GRIK2: variants seen among roughly 807,000 people sequenced by gnomAD.
GRIK2 encodes the protein glutamate ionotropic receptor kainate type subunit 2, also known as glutamate receptor ionotropic, kainate 2.
A neutral mutation model predicts 100.3 loss-of-function variants in GRIK2; 32 were observed. The ratio of observed to expected loss-of-function variants is 0.32; its 90% CI spans 0.24 to 0.43. The LOEUF is 0.43. Among genes scored for constraint, GRIK2 ranks in the 20% least tolerant of loss-of-function variants. The pLI is 1.00. For synonymous variants in GRIK2, 417 were observed against 389.4 expected (o/e 1.07, Z -0.83); for missense variants, 843 against 1,114.9 (o/e 0.76, Z 3.47).
intron 14 of GRIK2, among the ~76,000 whole-genome samples, chr6:102,027,547 C>A (rs1001666844): frequency 6.9e-6 from 1 of 145,098 alleles, no homozygotes; most frequent in Non-Finnish European, 1.6e-5. Flanking sequence ...ATTCAATTTT[C>A]TTTGCATGGT....
At chr6:101,589,656 G>A (rs1421282489) in intron 2 of GRIK2, among the ~76,000 whole-genome samples, 1 of 152,096 alleles carries the variant, frequency 6.6e-6, no homozygotes, top group Non-Finnish European at 1.5e-5. Context: ...CTTGAAAGAG[G>A]CCATGTTGAG....
intron 7 of GRIK2, among the ~76,000 whole-genome samples, chr6:101,780,058 T>C (rs1164318881): frequency 1.3e-5 from 2 of 152,162 alleles, no homozygotes; most frequent in Non-Finnish European, 2.9e-5. Flanking sequence ...GTACTGATAT[T>C]TTTAGTTTAC....
At chr6:101,816,187 G>T (rs1781618132) in intron 9 of GRIK2, among the ~76,000 whole-genome samples, 1 of 151,952 alleles carries the variant, frequency 6.6e-6, no homozygotes, top group African/African-American at 2.4e-5. Context: ...TTTGTCAGTG[G>T]TTTCACTGGT....
At chr6:102,014,603 T>A (rs1795733113) in intron 14 of GRIK2, among the ~76,000 whole-genome samples, 1 of 151,130 alleles carries the variant, frequency 6.6e-6, no homozygotes, top group Admixed American at 6.6e-5. Context: ...GTCCCAGAAA[T>A]TCTGTGTCCC....
At chr6:101,409,404 C>G (rs1775768294) in intron 2 of GRIK2, among the ~76,000 whole-genome samples, 1 of 151,876 alleles carries the variant, frequency 6.6e-6, no homozygotes, top group Non-Finnish European at 1.5e-5. Flanking sequence ...CGATGCATTT[C>G]TAAGAATGTA....
chr6:101,566,150 A>G (rs1282286823), intron 2 of GRIK2, among the ~76,000 whole-genome samples: 2 of 151,692 alleles, frequency 1.3e-5, no homozygotes, highest in African/African-American at 4.8e-5. Flanking sequence ...AAGAAAGTCT[A>G]CATGTAAGAG....
chr6:101,722,999 C>T (rs1774596403), intron 7 of GRIK2, among the ~76,000 whole-genome samples: 1 of 152,022 alleles, frequency 6.6e-6, no homozygotes, highest in East Asian at 1.9e-4. Flanking sequence ...TTAGAAATTG[C>T]ATTCTGATAC....
At chr6:101,848,942 G>C (rs977402296) in intron 10 of GRIK2, among the ~76,000 whole-genome samples, 3 of 151,684 alleles carry the variant, frequency 2.0e-5, no homozygotes, top group Non-Finnish European at 4.4e-5. Flanking sequence ...TATATTTCTT[G>C]GGTGTTTTTC....
At chr6:101,478,574 C>T (rs1457905850) in intron 2 of GRIK2, among the ~76,000 whole-genome samples, 3 of 145,498 alleles carry the variant, frequency 2.1e-5, no homozygotes, top group African/African-American at 5.1e-5. Context: ...CGTGCAGTGG[C>T]GCGATCTCAG....
At chr6:101,492,125 T>C (rs1013451356) in intron 2 of GRIK2, among the ~76,000 whole-genome samples, 2 of 151,984 alleles carry the variant, frequency 1.3e-5, no homozygotes, top group African/African-American at 2.4e-5. Context: ...TTTGGCATTA[T>C]CAAGTTTCTA....
intron 7 of GRIK2, among the ~76,000 whole-genome samples, chr6:101,797,695 T>C (rs1288479027): frequency 7.0e-6 from 1 of 143,642 alleles, no homozygotes; most frequent in Non-Finnish European, 1.5e-5. Context: ...ATTTTTTTTA[T>C]GTATATATTA....
chr6:101,815,418 T>G (rs1781573424), intron 9 of GRIK2, among the ~76,000 whole-genome samples: 1 of 152,120 alleles, frequency 6.6e-6, no homozygotes, highest in African/African-American at 2.4e-5. Flanking sequence ...TTTGAAGCAC[T>G]TTCATATTTC....
chr6:101,692,012 G>C (rs1187028796), intron 7 of GRIK2, among the ~76,000 whole-genome samples: 2 of 127,270 alleles, frequency 1.6e-5, no homozygotes, highest in East Asian at 2.4e-4. Context: ...TGTTCACCCA[G>C]CTAAACTCCA....
chr6:101,756,117 T>C (rs1184153718), intron 7 of GRIK2, among the ~76,000 whole-genome samples: 1 of 152,168 alleles, frequency 6.6e-6, no homozygotes. Context: ...CCATTCCTTG[T>C]TAGTGCTGCT....
chr6:101,621,925 G>T (rs746443836), intron 2 of GRIK2, 24 bp from the exon 3 acceptor site: 7 of 1,534,336 alleles, frequency 4.6e-6, no homozygotes, highest in African/African-American at 1.4e-5. Flanking sequence ...TAAAATTTAT[G>T]ATTTTTCTCT....
intron 2 of GRIK2, among the ~76,000 whole-genome samples, chr6:101,545,692 C>A (rs1776197952): frequency 6.6e-6 from 1 of 152,076 alleles, no homozygotes; most frequent in Non-Finnish European, 1.5e-5. Context: ...CAACTTTTTA[C>A]TAGGCAAAGA....
intron 7 of GRIK2, among the ~76,000 whole-genome samples, chr6:101,701,556 G>A (rs1401786367): frequency 1.3e-5 from 2 of 152,014 alleles, no homozygotes; most frequent in African/African-American, 4.8e-5. Context: ...AAGTGAATAA[G>A]TGATAAATTA....
chr6:101,986,344 G>A (rs1392983813), intron 14 of GRIK2, among the ~76,000 whole-genome samples: 1 of 151,806 alleles, frequency 6.6e-6, no homozygotes, highest in African/African-American at 2.4e-5. Flanking sequence ...GTGTATGTGA[G>A]AGAGTTATAC....
intron 7 of GRIK2, among the ~76,000 whole-genome samples, chr6:101,738,124 A>G (rs750127992): frequency 2.0e-5 from 3 of 152,098 alleles, no homozygotes; most frequent in African/African-American, 4.8e-5. Context: ...TTATCCTAAC[A>G]TAGGAAAAAA....
Sources: allele counts gnomAD v4.1 joint callset (sites outside exome capture counted in the v4.1 genomes callset), GRCh38; gene constraint gnomAD v4.1.1; transcripts MANE v1.5; gene names NCBI Gene and HGNC (gene_info 2026-07-23, HGNC 2026-07-21).